GRM7: variants seen among roughly 807,000 people sequenced by gnomAD.
The protein encoded by GRM7 is glutamate metabotropic receptor 7.
GRM7 carries 35 observed loss-of-function variants against 84.5 expected under a neutral mutation model. That is an observed-to-expected ratio of 0.41 (90% CI 0.32 to 0.55). GRM7 has a LOEUF of 0.55. Among genes scored for constraint, GRM7 ranks in the 20% least tolerant of loss-of-function variants. The pLI is 0.19. For missense variants in GRM7, 1,003 were observed against 1,194.6 expected (o/e 0.84, Z 2.36); for synonymous variants, 487 against 455.1 (o/e 1.07, Z -0.89).
chr3:7,686,290 A>C (rs1700581257), intron 9 of GRM7: 2 of 720,680 alleles, frequency 2.8e-6, no homozygotes, highest in Non-Finnish European at 5.0e-6. Context: ...GGAAAATAAT[A>C]ATAATAAAAA....
chr3:6,929,371 G>A (rs546364850), intron 1 of GRM7, among the ~76,000 whole-genome samples: 2 of 152,260 alleles, frequency 1.3e-5, no homozygotes, highest in East Asian at 1.9e-4. Context: ...ATCTACTGGA[G>A]ACAGCACTGA....
chr3:7,235,757 A>G (rs1324887810), intron 2 of GRM7, among the ~76,000 whole-genome samples: 2 of 152,240 alleles, frequency 1.3e-5, no homozygotes, highest in African/African-American at 4.8e-5. Context: ...GATGTGAGGA[A>G]TATAACATAC....
At chr3:7,656,970 A>G (rs1036117409) in intron 8 of GRM7, among the ~76,000 whole-genome samples, 4 of 152,224 alleles carry the variant, frequency 2.6e-5, no homozygotes, top group African/African-American at 9.6e-5. Context: ...ATTTACTTTG[A>G]GTGAAGTACA....
At chr3:6,966,110 C>T (rs903793432) in intron 1 of GRM7, among the ~76,000 whole-genome samples, 1 of 152,168 alleles carries the variant, frequency 6.6e-6, no homozygotes, top group Non-Finnish European at 1.5e-5. Flanking sequence ...TCTCTCCCAG[C>T]CCAGGTCCTT....
At chr3:7,225,113 G>A (rs1313023116) in intron 2 of GRM7, among the ~76,000 whole-genome samples, 1 of 151,932 alleles carries the variant, frequency 6.6e-6, no homozygotes, top group East Asian at 1.9e-4. Context: ...ATGTTACAAA[G>A]GATATTGAAA....
At chr3:6,986,265 G>A (rs914877760) in intron 1 of GRM7, among the ~76,000 whole-genome samples, 2 of 152,130 alleles carry the variant, frequency 1.3e-5, no homozygotes, top group African/African-American at 4.8e-5. Flanking sequence ...ACCTTTGGGG[G>A]TGATAGACAT....
intron 7 of GRM7, among the ~76,000 whole-genome samples, chr3:7,510,533 T>A (rs1700167730): frequency 1.3e-5 from 2 of 152,242 alleles, no homozygotes; most frequent in East Asian, 3.9e-4. Context: ...CTCCTTTAGA[T>A]ACAAACAAAT....
chr3:7,066,531 T>G (rs756853585), intron 1 of GRM7, among the ~76,000 whole-genome samples: 5 of 151,730 alleles, frequency 3.3e-5, no homozygotes, highest in Non-Finnish European at 7.4e-5. Context: ...AATGGCAATT[T>G]AAAAATTACC....
intron 1 of GRM7, among the ~76,000 whole-genome samples, chr3:7,109,031 G>C (rs1692753406): frequency 6.6e-6 from 1 of 152,040 alleles, no homozygotes; most frequent in African/African-American, 2.4e-5. Context: ...GATGGAGTAA[G>C]TAATGAAAAT....
intron 1 of GRM7, among the ~76,000 whole-genome samples, chr3:7,081,742 A>G (rs1698282226): frequency 6.6e-6 from 1 of 152,120 alleles, no homozygotes; most frequent in African/African-American, 2.4e-5. Context: ...TATAACTACT[A>G]CTGCAGTGAA....
At chr3:7,229,051 C>G (rs1697075907) in intron 2 of GRM7, among the ~76,000 whole-genome samples, 1 of 151,984 alleles carries the variant, frequency 6.6e-6, no homozygotes. Context: ...ACAGTGAAAT[C>G]AGTTGACTTC....
At chr3:7,412,964 A>G (rs1343399030) in intron 4 of GRM7, among the ~76,000 whole-genome samples, 3 of 151,708 alleles carry the variant, frequency 2.0e-5, no homozygotes, top group East Asian at 1.9e-4. Flanking sequence ...GAAAGTTTAG[A>G]AAAAAACCTC....
intron 2 of GRM7, among the ~76,000 whole-genome samples, chr3:7,206,160 CT>C (rs1257270182): frequency 6.6e-6 from 1 of 152,108 alleles, no homozygotes; most frequent in Non-Finnish European, 1.5e-5. Flanking sequence ...CTCTTTTTCA[CT>C]GCCTGCTTCT....
chr3:7,079,118 C>T (rs1012694852), intron 1 of GRM7, among the ~76,000 whole-genome samples: 2 of 151,968 alleles, frequency 1.3e-5, no homozygotes, highest in Non-Finnish European at 2.9e-5. Flanking sequence ...GTTCATTTAT[C>T]CTTCTGTTTT....
At chr3:7,630,896 C>T (rs530206068) in intron 8 of GRM7, among the ~76,000 whole-genome samples, 6 of 152,294 alleles carry the variant, frequency 3.9e-5, no homozygotes, top group Admixed American at 1.3e-4. Flanking sequence ...AAGTGTTAAG[C>T]CCGATGAACC....
At chr3:7,007,389 T>A (rs1695218517) in intron 1 of GRM7, among the ~76,000 whole-genome samples, 1 of 152,204 alleles carries the variant, frequency 6.6e-6, no homozygotes, top group Non-Finnish European at 1.5e-5. Context: ...ATCTTCCCTA[T>A]AACTCTCCTG....
chr3:7,394,201 C>T (rs868745967), intron 4 of GRM7, among the ~76,000 whole-genome samples: 1 of 152,202 alleles, frequency 6.6e-6, no homozygotes, highest in Non-Finnish European at 1.5e-5. Flanking sequence ...CTTGTCCTAA[C>T]TTCTTGCTCT....
chr3:7,112,767 T>C (rs1259493157), intron 1 of GRM7, among the ~76,000 whole-genome samples: 5 of 152,146 alleles, frequency 3.3e-5, no homozygotes, highest in Non-Finnish European at 7.4e-5. Context: ...GCTACCAGCT[T>C]CAGGAGAAAT....
intron 7 of GRM7, among the ~76,000 whole-genome samples, chr3:7,509,033 G>A (rs1374920443): frequency 2.6e-5 from 4 of 152,152 alleles, no homozygotes; most frequent in Non-Finnish European, 4.4e-5. Flanking sequence ...CACATATTCT[G>A]AATATTATGG....
Sources: allele counts gnomAD v4.1 joint callset (sites outside exome capture counted in the v4.1 genomes callset), GRCh38; gene constraint gnomAD v4.1.1; transcripts MANE v1.5; gene names NCBI Gene and HGNC (gene_info 2026-07-23, HGNC 2026-07-21).